The following EDARADD variants were observed in gnomAD, a reference collection of about 807,000 sequenced individuals.
EDARADD encodes ectodysplasin-A receptor-associated adapter protein.
A neutral mutation model predicts 25.6 loss-of-function variants in EDARADD; 20 were observed. The ratio of observed to expected loss-of-function variants is 0.78; its 90% CI spans 0.55 to 1.14. The LOEUF (loss-of-function observed/expected upper bound fraction) is 1.14, where lower values mean the gene tolerates loss of function less well. Ranked by LOEUF, EDARADD falls within the 50% of genes most tolerant of loss-of-function variation. The pLI is 0.00. For synonymous variants in EDARADD, 86 were observed against 94.4 expected, an observed-to-expected ratio of 0.91 and a Z score of 0.52; for missense variants, 225 against 270.1, an observed-to-expected ratio of 0.83 and a Z score of 1.17.
intron 1 of EDARADD, among the ~76,000 whole-genome samples, chr1:236,405,825 CCTTCCTT>C (rs1558112656): frequency 2.0e-3 from 53 of 26,238 alleles, no homozygotes; most frequent in African/African-American, 8.0e-3. Flanking sequence ...TCCTTCCTTT[CCTTCCTT>C]CCTTCCTTCC....
intron 3 of EDARADD, among the ~76,000 whole-genome samples, chr1:236,355,872 C>A (rs1666970388): frequency 6.6e-6 from 1 of 152,042 alleles, no homozygotes; most frequent in Non-Finnish European, 1.5e-5. Flanking sequence ...AAACCCATGA[C>A]CGGTTCTAAG....
chr1:236,405,991 C>T (rs560827568), intron 1 of EDARADD, among the ~76,000 whole-genome samples: 5 of 148,532 alleles, frequency 3.4e-5, no homozygotes, highest in African/African-American at 7.5e-5. Context: ...TTGTCCTGGA[C>T]GCAGCGGGCA....
At chr1:236,434,429 G>A (rs1005064830) in intron 4 of EDARADD, among the ~76,000 whole-genome samples, 1 of 152,018 alleles carries the variant, frequency 6.6e-6, no homozygotes, top group Non-Finnish European at 1.5e-5. Flanking sequence ...TAGTAGAGAC[G>A]GGGTTTTGCC....
At position 236,452,147 on chromosome 1, in the gene EDARADD, G is replaced by A. The variant is rs551572712; in HGVS notation, c.220-16084G>A. Among the ~76,000 whole-genome samples, 118 of 152,314 alleles carry A rather than the reference G, an allele frequency of 7.7e-4. 2 individuals are homozygous for A. The highest frequency in any genetic ancestry group is 2.8e-3 in the African/African-American group (117 of 41,564). ...CAAGAATCCAGCTGGGGAGTGAGAG[G>A]CTGGTCCCCGCCCCTGCTGATAAGC... On this transcript the variant is annotated intron_variant, in intron 4 of 5. Transcript: ENST00000334232.
At chr1:236,363,006 A>AAATATATATATATATATATATATAT (rs1377112051) in intron 3 of EDARADD, among the ~76,000 whole-genome samples, 1 of 42,946 alleles carries the variant, frequency 2.3e-5, no homozygotes, top group African/African-American at 1.1e-4. Flanking sequence ...AAAAAAAAAA[A>AAATATATATATATATATATATATAT]ATATATATAT....
Position 236,452,442 on chromosome 1 carries a change from C to T in EDARADD, c.220-15789C>T, listed in dbSNP as rs113997657. Among the ~76,000 whole-genome samples the T allele has an allele frequency of 2.4e-3, 364 of 152,264 alleles. 3 individuals are homozygous for T. Among genetic ancestry groups the T allele is most frequent in the African/African-American group, 8.4e-3 (348 of 41,560 alleles). ...GGGGTGGTTATCCCCATGCTGTTCTCACGACAGTGAGTGAGTTTGCACGAG... is the reference window on the plus strand; with the variant it reads ...GGGGTGGTTATCCCCATGCTGTTCTTACGACAGTGAGTGAGTTTGCACGAG... On this transcript the variant is annotated intron_variant, in intron 4 of 5. Coordinates refer to ENST00000334232, the MANE Select transcript of EDARADD (RefSeq NM_145861.4).
intron 3 of EDARADD, among the ~76,000 whole-genome samples, chr1:236,374,327 C>G (rs1023095378): frequency 1.7e-4 from 23 of 137,590 alleles, no homozygotes; most frequent in African/African-American, 6.1e-4. Flanking sequence ...CAGGGTCTTG[C>G]TCTGTTTCCC....
intron 3 of EDARADD, among the ~76,000 whole-genome samples, chr1:236,368,957 G>A (rs1252670984): frequency 1.3e-5 from 2 of 152,036 alleles, no homozygotes. Flanking sequence ...TAAGGAATAT[G>A]CCTTTTTAAA....
chr1:236,422,923 G>A (rs1285018319), intron 3 of EDARADD, among the ~76,000 whole-genome samples: 3 of 152,198 alleles, frequency 2.0e-5, no homozygotes, highest in Admixed American at 6.5e-5. Flanking sequence ...CACAGCTAGT[G>A]TTTAATGACA....
intron 3 of EDARADD, among the ~76,000 whole-genome samples, chr1:236,382,018 CAT>C (rs913659848): frequency 4.0e-5 from 6 of 150,956 alleles, no homozygotes; most frequent in African/African-American, 1.5e-4. Context: ...ATTTTTTTTT[CAT>C]ATGTCTTGTG....
At chr1:236,437,806 A>G (rs1658300045) in intron 4 of EDARADD, among the ~76,000 whole-genome samples, 1 of 118,006 alleles carries the variant, frequency 8.5e-6, no homozygotes, top group Admixed American at 9.5e-5. Flanking sequence ...CAATGGCGTG[A>G]TCTCAGATCT....
intron 4 of EDARADD, among the ~76,000 whole-genome samples, chr1:236,430,797 C>T (rs1658073392): frequency 1.3e-5 from 2 of 152,180 alleles, no homozygotes; most frequent in African/African-American, 4.8e-5. Flanking sequence ...AAACAACACA[C>T]ACTCCATTCT....
At chr1:236,409,068 T>TAAAA (rs772223735) in intron 1 of EDARADD, 148 bp from the exon 2 acceptor site, 16 of 333,290 alleles carry the variant, frequency 4.8e-5, no homozygotes, top group African/African-American at 7.6e-5. Flanking sequence ...TCCTATTTCT[T>TAAAA]AAAAAAAAAA....
chr1:236,394,194 A>C (rs1667472029), upstream of EDARADD: 1 of 493,280 alleles, frequency 2.0e-6, no homozygotes, highest in South Asian at 2.3e-5. Flanking sequence ...TTCCATCTCC[A>C]TGAGAAGTAC....
chr1:236,414,740 GC>G (rs1286514121), intron 3 of EDARADD, among the ~76,000 whole-genome samples: 1 of 152,122 alleles, frequency 6.6e-6, no homozygotes, highest in Non-Finnish European at 1.5e-5. Flanking sequence ...GGGCGTGGTG[GC>G]AGGCACCTGT....
At chr1:236,383,024 C>T (rs1241903758) in intron 3 of EDARADD, among the ~76,000 whole-genome samples, 1 of 152,124 alleles carries the variant, frequency 6.6e-6, no homozygotes, top group African/African-American at 2.4e-5. Context: ...TCCTCAGACT[C>T]TCAGTTCTAG....
At chr1:236,478,481 T>C (rs1034504099) in intron 5 of EDARADD, among the ~76,000 whole-genome samples, 1 of 151,234 alleles carries the variant, frequency 6.6e-6, no homozygotes, top group Non-Finnish European at 1.5e-5. Flanking sequence ...TATATATATG[T>C]GTATATATGT....
chr1:236,349,674 T>C (rs1209458140), intron 2 of EDARADD, among the ~76,000 whole-genome samples: 1 of 151,252 alleles, frequency 6.6e-6, no homozygotes, highest in African/African-American at 2.4e-5. Flanking sequence ...CCAAGTTTTA[T>C]TGTGTAGAGG....
At chr1:236,363,020 T>C (rs1426563491) in intron 3 of EDARADD, among the ~76,000 whole-genome samples, 1 of 106,608 alleles carries the variant, frequency 9.4e-6, no homozygotes, top group South Asian at 3.5e-4. Flanking sequence ...TATATATATA[T>C]ATATATATAT....
Sources: allele counts gnomAD v4.1 joint callset (sites outside exome capture counted in the v4.1 genomes callset), GRCh38; gene constraint gnomAD v4.1.1; transcripts MANE v1.5; gene names NCBI Gene and HGNC (gene_info 2026-07-23, HGNC 2026-07-21).